RTTN: variants seen among roughly 807,000 people sequenced by gnomAD.
RTTN encodes rotatin.
Under a neutral mutation model 269.2 loss-of-function variants are expected in RTTN, and 182 were observed. That is an observed-to-expected ratio of 0.68 (90% CI 0.60 to 0.76). The LOEUF is 0.76. Among genes scored for constraint, RTTN ranks in the 30% least tolerant of loss-of-function variants. The pLI is 0.00. For synonymous variants in RTTN, 1,006 were observed against 963.5 expected, an observed-to-expected ratio of 1.04 and a Z score of -0.82; for missense variants, 2,545 against 2,608.6, an observed-to-expected ratio of 0.98 and a Z score of 0.53.
chr18:70,204,887 C>T (rs954509997), intron 2 of RTTN, among the ~76,000 whole-genome samples: 3 of 152,134 alleles, frequency 2.0e-5, no homozygotes, highest in African/African-American at 7.2e-5. Context: ...CTCAAAAACA[C>T]AGAACATACC....
intron 28 of RTTN, among the ~76,000 whole-genome samples, chr18:70,108,644 C>T (rs2085881): frequency 0.96 from 145,808 of 152,182 alleles, 70,180 homozygotes; most frequent in East Asian, 1. Context: ...AATCCACTAA[C>T]ATATAAAAAG....
intron 11 of RTTN, among the ~76,000 whole-genome samples, chr18:70,173,279 G>A (rs2061191858): frequency 1.3e-5 from 2 of 152,046 alleles, no homozygotes; most frequent in Admixed American, 6.6e-5. Context: ...CAAAACAAGA[G>A]GTCAAGAGAT....
chr18:70,141,226 G>A (rs1476232992), intron 19 of RTTN, among the ~76,000 whole-genome samples: 1 of 151,892 alleles, frequency 6.6e-6, no homozygotes, highest in Non-Finnish European at 1.5e-5. Context: ...CTAATGTCAA[G>A]ACAAGAAGTG....
Position 70,127,698 on chromosome 18 carries a change from G to A in RTTN, c.3187C>T (p.Leu1063=). The A allele has an allele frequency of 6.2e-7, 1 of 1,612,892 alleles. No homozygotes were observed. The highest frequency in any genetic ancestry group is 1.3e-5 in the African/African-American group (1 of 74,964). ...LKLSTEDILT[L]KITHMASGLQ... ...CCACTAGCCATGTGTGTTATCTTCAGAGTGAGGATGTCCTCTGTAGATAAC... is the reference window on the plus strand; with the variant it reads ...CCACTAGCCATGTGTGTTATCTTCAAAGTGAGGATGTCCTCTGTAGATAAC... The change falls in exon 25 of 49, where the codon CTG becomes TTG. Residue 1063 remains leucine, a synonymous_variant. Transcript: ENST00000640769.
intron 39 of RTTN, among the ~76,000 whole-genome samples, chr18:70,048,835 T>C (rs1459024407): frequency 6.6e-6 from 1 of 152,012 alleles, no homozygotes; most frequent in African/African-American, 2.4e-5. Flanking sequence ...TAAATGTATA[T>C]GGGCATATGA....
chr18:70,160,018 T>C (rs1447956985), intron 14 of RTTN, among the ~76,000 whole-genome samples: 1 of 152,026 alleles, frequency 6.6e-6, no homozygotes, highest in African/African-American at 2.4e-5. Flanking sequence ...AAAAGAACTG[T>C]TACCAATCCT....
chr18:70,051,144 CAT>C (rs1468632025), intron 39 of RTTN, among the ~76,000 whole-genome samples: 2 of 152,140 alleles, frequency 1.3e-5, no homozygotes, highest in Non-Finnish European at 2.9e-5. Context: ...TCAGGGATGA[CAT>C]CTTTAAAAAG....
chr18:70,204,203 G>A lies in RTTN; in HGVS notation c.280C>T (p.Arg94Trp), dbSNP rs1490930098. 1.2e-6 allele frequency: 2 copies of A among 1,614,058 alleles called. No homozygotes were observed. The highest frequency in any genetic ancestry group is 1.3e-5 in the African/African-American group (1 of 75,030). ...TGCAGATTTGGCTCCACATTAGACC[G>A]AAGCTTAGATAAGAACTCTACTGCA... ...VGAVEFLSKL[R>W]SNVEPNLQAE... Residue 94 changes from arginine to tryptophan, a missense_variant, in exon 3 of 49, where the codon CGG becomes TGG. Coordinates refer to ENST00000640769, the MANE Select transcript of RTTN (RefSeq NM_173630.4).
At chr18:70,158,571 G>A (rs551777771) in intron 14 of RTTN, among the ~76,000 whole-genome samples, 13 of 152,086 alleles carry the variant, frequency 8.5e-5, no homozygotes, top group Admixed American at 2.0e-4. Context: ...GCAACATGGC[G>A]ACAGAATCAA....
In RTTN at chr18:70,148,947, T is replaced by C. The variant is rs1310974275; in HGVS notation, c.2263A>G (p.Thr755Ala). 1 of 1,613,614 alleles carries C rather than the reference T, an allele frequency of 6.2e-7. No homozygotes were observed. The highest frequency in any genetic ancestry group is 8.5e-7 in the Non-Finnish European group (1 of 1,179,638). Residue 755 changes from threonine (T) to alanine (A), a missense_variant, in exon 17 of 49, where the codon ACC becomes GCC. Coordinates refer to ENST00000640769, the MANE Select transcript of RTTN (RefSeq NM_173630.4). ...AGTCGCAGCATGGACTTTAATCGGG[T>C]AGTACACGGAAGCATCTCTTCTGTG... ...SDTEEMLPCT[T>A]RLKSMLRLLL...
chr18:70,006,908 C>T (rs959901062), intron 46 of RTTN: 1 of 155,640 alleles, frequency 6.4e-6, no homozygotes, highest in African/African-American at 2.4e-5. Flanking sequence ...AGCTACTATA[C>T]AAAAACGATC....
chr18:70,076,797 T>G (rs1476239598), intron 32 of RTTN, among the ~76,000 whole-genome samples: 1 of 151,950 alleles, frequency 6.6e-6, no homozygotes, highest in Non-Finnish European at 1.5e-5. Context: ...TAATACAAAG[T>G]GAATGGGGTT....
At position 70,067,449 on chromosome 18, in the gene RTTN, G is replaced by A. The variant is rs139719383; in HGVS notation, c.4654-1527C>T. Among the ~76,000 whole-genome samples, 1,024 of 152,246 alleles carry A rather than the reference G, an allele frequency of 6.7e-3. 5 individuals are homozygous for A. Among genetic ancestry groups the A allele is most frequent in the African/African-American group, 0.018 (750 of 41,556 alleles). ...GCTGGGATTACAGGCGTGAGCCACC[G>A]CGCCCAGCAAGCTTGTTTATTTTTA... On this transcript the variant is annotated intron_variant, in intron 34 of 48. Coordinates refer to ENST00000640769, the MANE Select transcript of RTTN (RefSeq NM_173630.4).
intron 40 of RTTN, among the ~76,000 whole-genome samples, chr18:70,041,022 C>A (rs1353521235): frequency 2.6e-5 from 4 of 151,952 alleles, no homozygotes; most frequent in Non-Finnish European, 5.9e-5. Context: ...GAGTTCGAGA[C>A]CAGTTTGGCC....
chr18:70,043,105 G>A lies in RTTN; in HGVS notation c.5541+4866C>T, dbSNP rs7233315. Among the ~76,000 whole-genome samples, 1,057 of 152,328 alleles carry A rather than the reference G, an allele frequency of 6.9e-3. 9 individuals are homozygous for A. The highest frequency in any genetic ancestry group is 0.024 in the African/African-American group (990 of 41,566). Reference sequence around the variant, plus strand: ...ATGAAAACAGGCACCAAGTAGGTTAGAAGGAATTGGGAAGAGATTTCTTCC... The same window carrying A: ...ATGAAAACAGGCACCAAGTAGGTTAAAAGGAATTGGGAAGAGATTTCTTCC... On this transcript the variant is annotated intron_variant, in intron 40 of 48. Transcript: ENST00000640769.
intron 7 of RTTN, among the ~76,000 whole-genome samples, chr18:70,195,207 C>G (rs115197713): frequency 1.1e-4 from 17 of 152,342 alleles, no homozygotes; most frequent in African/African-American, 3.4e-4. Context: ...GGACATCACC[C>G]TCAGTGCTAA....
chr18:70,098,966 A>G (rs1490745513), intron 28 of RTTN, among the ~76,000 whole-genome samples: 1 of 152,202 alleles, frequency 6.6e-6, no homozygotes, highest in Non-Finnish European at 1.5e-5. Context: ...TACAAAGGAC[A>G]TGAACTCATC....
At chr18:70,180,591 GA>G (rs34828958) in intron 10 of RTTN, among the ~76,000 whole-genome samples, 1,329 of 95,036 alleles carry the variant, frequency 0.014, 5 homozygotes, top group African/African-American at 0.035. Flanking sequence ...CTGGGGAAGA[GA>G]AAAAAAAAAA....
rs752057488 is a variant in RTTN, at chr18:70,028,762, G to T, written c.5785C>A (p.Leu1929Ile). ...VIKELSIAMQ[L>I]LRNCLYQNEE... The stretch of plus-strand genomic sequence containing the variant: ...TTTTGATAAAGACAGTTTCTTAGGA[G>T]CTGCATGGCAATGCTTAACTCTTTA... Residue 1929 changes from leucine to isoleucine, a missense_variant, in exon 43 of 49, where the codon CTC (leucine) becomes ATC (isoleucine). Physicochemically the swap from Leu to Ile is conservative, Grantham distance 5 (BLOSUM62 2). Transcript: ENST00000640769. The T allele has an allele frequency of 1.2e-6, 2 of 1,611,796 alleles. No homozygotes were observed. Among genetic ancestry groups the T allele is most frequent in the Non-Finnish European group, 1.7e-6 (2 of 1,178,738 alleles).
Sources: gnomAD v4.1 joint callset for allele counts (sites outside exome capture counted in the v4.1 genomes callset) on GRCh38, gnomAD v4.1.1 for gene constraint, MANE v1.5 for transcripts, NCBI Gene and HGNC (gene_info 2026-07-23, HGNC 2026-07-21) for gene names.